Variants in DLG2 observed in about 807,000 individuals in gnomAD.
The protein encoded by DLG2 is discs large MAGUK scaffold protein 2, also known as disks large homolog 2.
In DLG2, 45 loss-of-function variants were observed where a neutral mutation model predicts 132.5. The observed-to-expected ratio is 0.34, with a 90% CI of 0.27 to 0.44. The LOEUF (loss-of-function observed/expected upper bound fraction) is 0.44, where lower values mean the gene tolerates loss of function less well. DLG2 is among the 20% of genes least tolerant of loss of function. The pLI, the probability that DLG2 is intolerant of heterozygous loss-of-function variation, is 1.00. For missense variants in DLG2, 1,045 were observed against 1,196.9 expected (o/e 0.87, Z 1.87); for synonymous variants, 424 against 419.6 (o/e 1.01, Z -0.13).
chr11:84,992,878 G>A (rs1191197896), intron 6 of DLG2, among the ~76,000 whole-genome samples: 1 of 152,054 alleles, frequency 6.6e-6, no homozygotes, highest in Non-Finnish European at 1.5e-5. Flanking sequence ...AAATCCTCAA[G>A]GATCTAGAAC....
intron 7 of DLG2, among the ~76,000 whole-genome samples, chr11:84,376,098 C>T (rs951738870): frequency 2.0e-5 from 3 of 151,958 alleles, no homozygotes; most frequent in Non-Finnish European, 4.4e-5. Flanking sequence ...AAAGTATTCA[C>T]TCTAAGTTTG....
intron 7 of DLG2, among the ~76,000 whole-genome samples, chr11:84,405,975 C>G (rs959934991): frequency 2.0e-5 from 3 of 152,150 alleles, no homozygotes; most frequent in African/African-American, 7.2e-5. Context: ...CCATCTCTTG[C>G]CAAGATCATG....
At chr11:83,880,020 A>T (rs541614588) in intron 15 of DLG2, among the ~76,000 whole-genome samples, 7 of 152,184 alleles carry the variant, frequency 4.6e-5, no homozygotes, top group Non-Finnish European at 1.0e-4. Context: ...GACCAAGATC[A>T]TGAAGGGTCA....
At chr11:83,873,958 A>G (rs2064006861) in intron 16 of DLG2, among the ~76,000 whole-genome samples, 1 of 152,196 alleles carries the variant, frequency 6.6e-6, no homozygotes, top group South Asian at 2.1e-4. Context: ...TTGTATTTCT[A>G]TCATTTGTAC....
rs1454049461 is a variant in DLG2 at position 85,476,837 on chromosome 11, TGTTCA to T, written c.40+121815_40+121819del. 2.0e-5 allele frequency among the ~76,000 whole-genome samples: 3 copies of T among 152,156 alleles called. No individual in the cohort carries two copies. In the East Asian group the frequency reaches 5.8e-4, roughly 29 times the overall value. ...TCCTGAAGGACCTGTCTGAGGCTGTTGTTCAGTTAACTTTTTTTTTAATAAGTGGA... is the reference window on the plus strand; with the variant it reads ...TCCTGAAGGACCTGTCTGAGGCTGTTGTTAACTTTTTTTTTAATAAGTGGA... On this transcript the variant is annotated intron_variant, in intron 3 of 27. Transcript: ENST00000376104.
At chr11:85,516,449 C>T (rs954571600) in intron 3 of DLG2, among the ~76,000 whole-genome samples, 1 of 151,736 alleles carries the variant, frequency 6.6e-6, no homozygotes, top group Non-Finnish European at 1.5e-5. Flanking sequence ...ATGATCAGAG[C>T]AGAATTAAAT....
At chr11:83,528,480 T>A (rs918925642) in intron 21 of DLG2, among the ~76,000 whole-genome samples, 2 of 152,178 alleles carry the variant, frequency 1.3e-5, no homozygotes, top group Non-Finnish European at 2.9e-5. Flanking sequence ...TCCACTATCG[T>A]GTTCATGCTT....
intron 3 of DLG2, among the ~76,000 whole-genome samples, chr11:85,363,020 G>A (rs887198818): frequency 6.6e-6 from 1 of 152,182 alleles, no homozygotes; most frequent in Non-Finnish European, 1.5e-5. Flanking sequence ...CACAGAAGAT[G>A]CAAAATTTCA....
At chr11:85,494,899 A>AG (rs1221072434) in intron 3 of DLG2, among the ~76,000 whole-genome samples, 1 of 151,764 alleles carries the variant, frequency 6.6e-6, no homozygotes, top group Non-Finnish European at 1.5e-5. Context: ...TACCATAAAA[A>AG]AAACAGTGAA....
chr11:83,806,627 G>C (rs1481330971), intron 17 of DLG2, among the ~76,000 whole-genome samples: 1 of 152,162 alleles, frequency 6.6e-6, no homozygotes, highest in Non-Finnish European at 1.5e-5. Context: ...CACGAGGGCA[G>C]TCCCAGCCAC....
chr11:85,150,322 C>A (rs764001069), intron 5 of DLG2, among the ~76,000 whole-genome samples: 9 of 151,926 alleles, frequency 5.9e-5, no homozygotes, highest in African/African-American at 2.2e-4. Flanking sequence ...GCCCGGCCTC[C>A]GTTTTTAAAT....
At chr11:84,826,082 G>A (rs1273473158) in intron 6 of DLG2, among the ~76,000 whole-genome samples, 1 of 151,634 alleles carries the variant, frequency 6.6e-6, no homozygotes, top group Admixed American at 6.6e-5. Flanking sequence ...GTAGATAGTA[G>A]GTATATATAT....
At chr11:85,189,101 A>T (rs2080336082) in intron 4 of DLG2, among the ~76,000 whole-genome samples, 1 of 152,138 alleles carries the variant, frequency 6.6e-6, no homozygotes, top group South Asian at 2.1e-4. Context: ...AAAAAATATG[A>T]CTCATTAAGT....
intron 4 of DLG2, among the ~76,000 whole-genome samples, chr11:85,187,083 T>C (rs562192583): frequency 6.6e-6 from 1 of 152,234 alleles, no homozygotes; most frequent in African/African-American, 2.4e-5. Flanking sequence ...ACAGATATAC[T>C]GAACATTGTA....
At chr11:83,837,731 A>AAAAAAAAAAAAAAAAAAAG in intron 16 of DLG2, among the ~76,000 whole-genome samples, 1 of 149,084 alleles carries the variant, frequency 6.7e-6, no homozygotes, top group Non-Finnish European at 1.5e-5. Flanking sequence ...AGCAAAAAAA[A>AAAAAAAAAAAAAAAAAAAG]AAAAAAAAAA....
intron 6 of DLG2, among the ~76,000 whole-genome samples, chr11:85,056,969 A>G (rs2063525572): frequency 6.6e-6 from 1 of 151,930 alleles, no homozygotes; most frequent in African/African-American, 2.4e-5. Context: ...GGTAGAAGGA[A>G]AATGATACTG....
At chr11:84,525,111 G>A (rs1357216983) in intron 7 of DLG2, among the ~76,000 whole-genome samples, 2 of 152,040 alleles carry the variant, frequency 1.3e-5, no homozygotes, top group African/African-American at 4.8e-5. Context: ...TGGTGGTGGT[G>A]GACCTGTGTT....
At chr11:83,745,889 A>G (rs1157892280) in intron 18 of DLG2, among the ~76,000 whole-genome samples, 1 of 152,170 alleles carries the variant, frequency 6.6e-6, no homozygotes, top group East Asian at 1.9e-4. Flanking sequence ...TTAGAAGAAA[A>G]AAACAACTCC....
chr11:83,822,928 C>T (rs976633796), intron 17 of DLG2, among the ~76,000 whole-genome samples: 1 of 152,076 alleles, frequency 6.6e-6, no homozygotes, highest in Non-Finnish European at 1.5e-5. Flanking sequence ...GAGGCCTATA[C>T]CTAGAGTCAA....
Sources: gnomAD v4.1 joint callset for allele counts (sites outside exome capture counted in the v4.1 genomes callset) on GRCh38, gnomAD v4.1.1 for gene constraint, MANE v1.5 for transcripts, NCBI Gene and HGNC (gene_info 2026-07-23, HGNC 2026-07-21) for gene names.